Variants in SPATS2L observed in about 807,000 individuals in gnomAD.
SPATS2L encodes the protein SPATS2-like protein.
Under a neutral mutation model 59.6 loss-of-function variants are expected in SPATS2L, and 30 were observed. That is an observed-to-expected ratio of 0.50 (90% confidence interval 0.38 to 0.68). The LOEUF (loss-of-function observed/expected upper bound fraction) is 0.68. Ranked by LOEUF, SPATS2L falls within the 30% of genes least tolerant of loss-of-function variation. The pLI, the probability that SPATS2L is intolerant of heterozygous loss-of-function variation, is 0.00. For missense variants in SPATS2L, 615 were observed against 700.0 expected, an observed-to-expected ratio of 0.88 and a Z score of 1.37; for synonymous variants, 252 against 263.5, an observed-to-expected ratio of 0.96 and a Z score of 0.42.
chr2:200,417,982 TATAAC>T (rs2083135665), intron 5 of SPATS2L, among the ~76,000 whole-genome samples: 2 of 152,092 alleles, frequency 1.3e-5, no homozygotes, highest in Admixed American at 6.5e-5. Flanking sequence ...AAGTCAAACA[TATAAC>T]ATAATTAGGA....
intron 2 of SPATS2L, among the ~76,000 whole-genome samples, chr2:200,381,422 G>A (rs2081807775): frequency 6.6e-6 from 1 of 152,192 alleles, no homozygotes; most frequent in East Asian, 1.9e-4. Context: ...GTGCCACAGT[G>A]TGGCCTGTCA....
intron 5 of SPATS2L, 27 bp downstream of exon 5, chr2:200,416,455 G>A: frequency 1.6e-6 from 2 of 1,274,558 alleles, no homozygotes; most frequent in Non-Finnish European, 2.1e-6. Flanking sequence ...TTGTAAATTG[G>A]TAACATCTTC....
intron 1 of SPATS2L, among the ~76,000 whole-genome samples, chr2:200,313,040 A>AT (rs2079244544): frequency 6.6e-6 from 1 of 152,220 alleles, no homozygotes; most frequent in South Asian, 2.1e-4. Context: ...ACATAACTTG[A>AT]TTGAGTCTGC....
chr2:200,327,953 C>T (rs1049108642), intron 1 of SPATS2L, among the ~76,000 whole-genome samples: 2 of 152,148 alleles, frequency 1.3e-5, no homozygotes, highest in African/African-American at 4.8e-5. Context: ...AATTAAGTAC[C>T]AGCTGAGTTC....
At chr2:200,417,030 A>G (rs1208256987) in intron 5 of SPATS2L, among the ~76,000 whole-genome samples, 1 of 152,188 alleles carries the variant, frequency 6.6e-6, no homozygotes, top group Non-Finnish European at 1.5e-5. Context: ...TTTCTTGTCG[A>G]GTCACAAAGG....
chr2:200,477,997 TTC>T lies in SPATS2L; in HGVS notation c.1648_1649del (p.Val551ProfsTer10). 1 of 1,585,278 alleles carries T rather than the reference TTC, an allele frequency of 6.3e-7. No individual in the cohort carries two copies. Among genetic ancestry groups the T allele is most frequent in the South Asian group, 1.1e-5 (1 of 87,898 alleles). On this transcript the variant is annotated frameshift_variant, in exon 13 of 13. Transcript: ENST00000409140. LOFTEE classifies it high-confidence loss of function. ...ATAGAAGTTTCCACAGATGCAGCAG[TTC>T]TCTCAGTCCCGGCTGTGACGTTGGT...
intron 2 of SPATS2L, among the ~76,000 whole-genome samples, chr2:200,387,337 T>A (rs1159212067): frequency 6.6e-6 from 1 of 152,234 alleles, no homozygotes; most frequent in Non-Finnish European, 1.5e-5. Context: ...GGCACTTTTA[T>A]GGAGCATTTG....
intron 3 of SPATS2L, among the ~76,000 whole-genome samples, chr2:200,402,377 T>C (rs570852719): frequency 6.6e-6 from 1 of 152,340 alleles, no homozygotes; most frequent in African/African-American, 2.4e-5. Flanking sequence ...TCATACTTAA[T>C]GCTCCAGCAA....
intron 3 of SPATS2L, among the ~76,000 whole-genome samples, chr2:200,403,995 C>T (rs1460158564): frequency 6.6e-6 from 1 of 152,224 alleles, no homozygotes; most frequent in African/African-American, 2.4e-5. Context: ...ACTCTCACTT[C>T]TCCTTTTCTC....
intron 6 of SPATS2L, among the ~76,000 whole-genome samples, chr2:200,422,455 T>A (rs2083345939): frequency 6.7e-6 from 1 of 149,738 alleles, no homozygotes; most frequent in African/African-American, 2.5e-5. Flanking sequence ...GAGAATCACC[T>A]GAGCCCAGGA....
At chr2:200,403,402 A>C (rs2082594076) in intron 3 of SPATS2L, among the ~76,000 whole-genome samples, 1 of 152,214 alleles carries the variant, frequency 6.6e-6, no homozygotes, top group African/African-American at 2.4e-5. Context: ...CTTTTTAAAA[A>C]GCAAAGGGCT....
At chr2:200,397,207 T>C (rs768738345) in intron 3 of SPATS2L, among the ~76,000 whole-genome samples, 1 of 152,118 alleles carries the variant, frequency 6.6e-6, no homozygotes, top group Non-Finnish European at 1.5e-5. Context: ...AGCTGAGAGG[T>C]ATATATAAGA....
At chr2:200,324,270 C>T (rs1288255047) in intron 1 of SPATS2L, among the ~76,000 whole-genome samples, 1 of 152,148 alleles carries the variant, frequency 6.6e-6, no homozygotes, top group East Asian at 1.9e-4. Flanking sequence ...TGAAATGTCT[C>T]TGTGGAGTTC....
chr2:200,356,114 A>T (rs1295475666), intron 2 of SPATS2L, among the ~76,000 whole-genome samples: 1 of 152,220 alleles, frequency 6.6e-6, no homozygotes, highest in Non-Finnish European at 1.5e-5. Flanking sequence ...TTCTTATTTG[A>T]ATTACAAGTC....
chr2:200,440,586 G>C, intron 7 of SPATS2L, 63 bp from the exon 8 acceptor site: 1 of 1,523,232 alleles, frequency 6.6e-7, no homozygotes, highest in East Asian at 2.3e-5. Flanking sequence ...TTGTTTTGTT[G>C]TTTAGCTTAC....
intron 2 of SPATS2L, among the ~76,000 whole-genome samples, chr2:200,374,591 C>G (rs1289540996): frequency 1.3e-5 from 2 of 151,876 alleles, no homozygotes; most frequent in South Asian, 4.2e-4. Flanking sequence ...ACACAGGCAC[C>G]CTCTACATGT....
At chr2:200,412,512 A>AT in intron 4 of SPATS2L, 93 bp downstream of exon 4, 6 of 646,610 alleles carry the variant, frequency 9.3e-6, no homozygotes, top group Non-Finnish European at 1.5e-5. Context: ...ATATCAATTC[A>AT]TTATGTGTAC....
intron 5 of SPATS2L, among the ~76,000 whole-genome samples, chr2:200,417,927 T>C (rs2083132469): frequency 6.6e-6 from 1 of 152,220 alleles, no homozygotes; most frequent in Non-Finnish European, 1.5e-5. Context: ...GGTACCATAC[T>C]GCTTGTTGAG....
intron 2 of SPATS2L, among the ~76,000 whole-genome samples, chr2:200,350,771 G>C (rs2080697379): frequency 6.6e-6 from 1 of 152,142 alleles, no homozygotes. Context: ...CTGACCTCAA[G>C]TGATCTGCCC....
Sources: gnomAD v4.1 joint callset for allele counts (sites outside exome capture counted in the v4.1 genomes callset) on GRCh38, gnomAD v4.1.1 for gene constraint, MANE v1.5 for transcripts, NCBI Gene and HGNC (gene_info 2026-07-23, HGNC 2026-07-21) for gene names.